TAFA5: variants seen among roughly 807,000 people sequenced by gnomAD.
TAFA5 encodes TAFA chemokine like family member 5.
In TAFA5, 6 loss-of-function variants were observed where a neutral mutation model predicts 15.3. That is an observed-to-expected ratio of 0.39 (90% CI 0.21 to 0.77). The LOEUF is 0.77. Ranked by LOEUF, TAFA5 falls within the 30% of genes least tolerant of loss-of-function variation. The pLI is 0.41. For synonymous variants in TAFA5, 103 were observed against 80.7 expected, an observed-to-expected ratio of 1.28 and a Z score of -1.48; for missense variants, 161 against 193.1, an observed-to-expected ratio of 0.83 and a Z score of 0.98.
At chr22:48,556,278 C>T (rs1923035841) in intron 1 of TAFA5, among the ~76,000 whole-genome samples, 1 of 152,198 alleles carries the variant, frequency 6.6e-6, no homozygotes, top group Admixed American at 6.5e-5. Context: ...CTGTGGTCAG[C>T]CCCTCCTGCA....
At chr22:48,749,154 A>C (rs1333858563) in intron 3 of TAFA5, among the ~76,000 whole-genome samples, 1 of 152,192 alleles carries the variant, frequency 6.6e-6, no homozygotes, top group African/African-American at 2.4e-5. Context: ...AGGAGCACTG[A>C]GGATTGCTTG....
intron 2 of TAFA5, among the ~76,000 whole-genome samples, chr22:48,705,793 A>G (rs1158538953): frequency 6.6e-6 from 1 of 152,278 alleles, no homozygotes; most frequent in Non-Finnish European, 1.5e-5. Context: ...ACATGTGTGC[A>G]CACACGTGCA....
intron 1 of TAFA5, among the ~76,000 whole-genome samples, chr22:48,565,640 G>A (rs1398949512): frequency 1.3e-5 from 2 of 152,172 alleles, no homozygotes; most frequent in African/African-American, 4.8e-5. Context: ...CACCTACCAC[G>A]TTAGAGCTCT....
chr22:48,731,903 G>A (rs1929879955), intron 3 of TAFA5, among the ~76,000 whole-genome samples: 2 of 152,204 alleles, frequency 1.3e-5, no homozygotes, highest in Admixed American at 6.5e-5. Context: ...GGCTATAGCT[G>A]TCATAGATCA....
In TAFA5 at chr22:48,552,752, A is replaced by G. The variant is rs1569023115; in HGVS notation, c.112+63048A>G. 6.6e-6 allele frequency among the ~76,000 whole-genome samples: 1 copy of G among 152,082 alleles called. No individual in the cohort carries two copies. The highest frequency in any genetic ancestry group is 1.5e-5 in the Non-Finnish European group (1 of 67,998). On this transcript the variant is annotated intron_variant, in intron 1 of 3. Transcript: ENST00000402357. This position sits in a 1 kb window ranked among gnomAD's most constrained non-coding sequence, Gnocchi z 4.1. ...GAAAAACCTTAAATAAACATTTATC[A>G]TCCTCCGAGGGGCCCGGCCAGGCTC... is the stretch of plus-strand genomic sequence containing the variant.
chr22:48,730,582 C>A (rs193114396), intron 3 of TAFA5, among the ~76,000 whole-genome samples: 2 of 152,312 alleles, frequency 1.3e-5, no homozygotes, highest in African/African-American at 4.8e-5. Context: ...ATGTTTTCAA[C>A]AGCGTATGCT....
At chr22:48,651,641 G>T (rs574386129) in intron 2 of TAFA5, among the ~76,000 whole-genome samples, 3 of 152,308 alleles carry the variant, frequency 2.0e-5, no homozygotes, top group East Asian at 3.9e-4. Context: ...TGGATGGTTG[G>T]CAGTAGACGC....
chr22:48,563,565 A>G (rs1278265573), intron 1 of TAFA5, among the ~76,000 whole-genome samples: 1 of 152,190 alleles, frequency 6.6e-6, no homozygotes, highest in East Asian at 1.9e-4. Context: ...GCCATCTGAG[A>G]AGGGGCTCTT....
chr22:48,507,193 G>T (rs879628167), intron 1 of TAFA5, among the ~76,000 whole-genome samples: 1 of 111,696 alleles, frequency 9.0e-6, no homozygotes, highest in African/African-American at 4.8e-5. Flanking sequence ...AGAAGGAGAC[G>T]GCCGCCAAGG....
At chr22:48,506,346 C>T (rs1161433838) in intron 1 of TAFA5, among the ~76,000 whole-genome samples, 1 of 152,252 alleles carries the variant, frequency 6.6e-6, no homozygotes, top group Non-Finnish European at 1.5e-5. Context: ...CCTTGTGCTC[C>T]ATGGGGGAAC....
chr22:48,707,451 A>G (rs1044466125), intron 2 of TAFA5, among the ~76,000 whole-genome samples: 1 of 152,134 alleles, frequency 6.6e-6, no homozygotes, highest in South Asian at 2.1e-4. Flanking sequence ...CTTCACAGAC[A>G]TGTCTCTAGC....
intron 1 of TAFA5, among the ~76,000 whole-genome samples, chr22:48,533,455 G>A (rs930833424): frequency 6.6e-6 from 1 of 152,196 alleles, no homozygotes; most frequent in Non-Finnish European, 1.5e-5. Flanking sequence ...GAGGTCTTCA[G>A]CGTCTTGGCC....
intron 1 of TAFA5, among the ~76,000 whole-genome samples, chr22:48,523,178 C>A (rs950826502): frequency 1.3e-5 from 2 of 152,246 alleles, no homozygotes; most frequent in Non-Finnish European, 2.9e-5. Context: ...CCTGCTGCGC[C>A]CTGCACGGAG....
At chr22:48,671,235 A>C (rs1279449642) in intron 2 of TAFA5, among the ~76,000 whole-genome samples, 1 of 152,190 alleles carries the variant, frequency 6.6e-6, no homozygotes, top group Non-Finnish European at 1.5e-5. Flanking sequence ...AACAGCCAGG[A>C]GGACCAGAAT....
intron 1 of TAFA5, among the ~76,000 whole-genome samples, chr22:48,556,578 C>T (rs1449314741): frequency 6.6e-6 from 1 of 152,218 alleles, no homozygotes; most frequent in East Asian, 1.9e-4. Flanking sequence ...TGGGGTGTCC[C>T]GAAGAGGCGC....
intron 2 of TAFA5, among the ~76,000 whole-genome samples, chr22:48,647,113 G>A (rs76623258): frequency 0.014 from 2,199 of 152,298 alleles, 57 homozygotes; most frequent in African/African-American, 0.05. Flanking sequence ...CCGTTCCATC[G>A]TCTGCGTGTG....
intron 2 of TAFA5, among the ~76,000 whole-genome samples, chr22:48,648,722 G>A (rs896083620): frequency 2.0e-5 from 3 of 152,138 alleles, no homozygotes; most frequent in African/African-American, 7.2e-5. Context: ...CCAGCTACTC[G>A]GGAGGCTGAG....
At chr22:48,644,985 C>T (rs1272730601) in intron 1 of TAFA5, among the ~76,000 whole-genome samples, 3 of 152,264 alleles carry the variant, frequency 2.0e-5, no homozygotes, top group Non-Finnish European at 4.4e-5. Context: ...GGCCATCTCC[C>T]CCAGCTGGAA....
At chr22:48,597,749 C>T (rs1924821294) in intron 1 of TAFA5, among the ~76,000 whole-genome samples, 1 of 152,262 alleles carries the variant, frequency 6.6e-6, no homozygotes, top group Non-Finnish European at 1.5e-5. Flanking sequence ...CTCTTACTGG[C>T]ACTTCTCAGC....
Sources: gnomAD v4.1 joint callset for allele counts (sites outside exome capture counted in the v4.1 genomes callset) on GRCh38, gnomAD v4.1.1 for gene constraint, Gnocchi (gnomAD v3.1) non-coding constraint, MANE v1.5 for transcripts, NCBI Gene and HGNC (gene_info 2026-07-23, HGNC 2026-07-21) for gene names.